EML5: variants seen among roughly 807,000 people sequenced by gnomAD.
EML5 encodes EMAP like 5.
EML5 carries 120 observed loss-of-function variants against 250.0 expected under a neutral mutation model. That is an observed-to-expected ratio of 0.48 (90% CI 0.41 to 0.56). EML5 has a LOEUF of 0.56. EML5 is among the 20% of genes least tolerant of loss of function. The pLI, the probability that EML5 is intolerant of heterozygous loss-of-function variation, is 0.00. For synonymous variants in EML5, 771 were observed against 806.5 expected, an observed-to-expected ratio of 0.96 and a Z score of 0.75; for missense variants, 2,006 against 2,437.6, an observed-to-expected ratio of 0.82 and a Z score of 3.73.
chr14:88,641,379 A>C (rs1327089243), intron 31 of EML5, among the ~76,000 whole-genome samples: 1 of 152,044 alleles, frequency 6.6e-6, no homozygotes, highest in Non-Finnish European at 1.5e-5. Flanking sequence ...TTCCCATACA[A>C]AACATCATCC....
intron 8 of EML5, among the ~76,000 whole-genome samples, chr14:88,725,773 A>T (rs1821493868): frequency 6.6e-6 from 1 of 152,218 alleles, no homozygotes. Context: ...TCCAGTTAGT[A>T]GATGACAGAA....
In EML5 at chr14:88,654,538, C is replaced by T. The variant is rs138584750; in HGVS notation, c.4004+2838G>A. 2.9e-3 allele frequency among the ~76,000 whole-genome samples: 446 copies of T among 152,276 alleles called. 3 individuals carry two copies. Among genetic ancestry groups the T allele is most frequent in the African/African-American group, 0.01 (432 of 41,570 alleles). ...ATTTCTGCCTTAATTCTGTTATTTA[C>T]CCAGTAGTAATTCAGGAGCAGGTTG... On this transcript the variant is annotated intron_variant, in intron 27 of 43. Coordinates refer to ENST00000554922, the MANE Select transcript of EML5 (RefSeq NM_183387.3).
At chr14:88,700,555 A>G (rs1485832038) in intron 14 of EML5, among the ~76,000 whole-genome samples, 1 of 152,082 alleles carries the variant, frequency 6.6e-6, no homozygotes, top group Non-Finnish European at 1.5e-5. Context: ...AGTCTCAGGG[A>G]TTCCCAAGCC....
At chr14:88,633,172 T>C (rs2140492810) in intron 33 of EML5, among the ~76,000 whole-genome samples, 1 of 152,344 alleles carries the variant, frequency 6.6e-6, no homozygotes, top group Non-Finnish European at 1.5e-5. Context: ...TAGCTGAATG[T>C]TACCACCTCT....
At chr14:88,724,424 T>C (rs575206502) in intron 8 of EML5, among the ~76,000 whole-genome samples, 2 of 150,800 alleles carry the variant, frequency 1.3e-5, no homozygotes, top group Admixed American at 1.3e-4. Context: ...GGTTCACTTT[T>C]AAAGGCATTT....
chr14:88,623,764 G>A (rs2089475809), intron 36 of EML5: 2 of 152,226 alleles, frequency 1.3e-5, no homozygotes, highest in Admixed American at 1.3e-4. Context: ...CCTATCAGGT[G>A]TTAAAATATC....
intron 1 of EML5, among the ~76,000 whole-genome samples, chr14:88,757,421 CA>C (rs1162667041): frequency 6.6e-6 from 1 of 151,562 alleles, no homozygotes; most frequent in African/African-American, 2.4e-5. Flanking sequence ...AGTGGTTTCT[CA>C]GATATAACAC....
chr14:88,647,295 C>T (rs775787058), intron 28 of EML5, among the ~76,000 whole-genome samples: 1 of 151,714 alleles, frequency 6.6e-6, no homozygotes, highest in Admixed American at 6.6e-5. Flanking sequence ...ACCCAGGAAA[C>T]GGAGGTTGCA....
At chr14:88,762,762 T>A (rs2094263690) in intron 1 of EML5, among the ~76,000 whole-genome samples, 2 of 152,096 alleles carry the variant, frequency 1.3e-5, no homozygotes, top group Non-Finnish European at 2.9e-5. Flanking sequence ...TAATTGGAAG[T>A]AAAACACTCC....
intron 15 of EML5, 102 bp from the exon 16 acceptor site, chr14:88,695,556 T>G (rs552021956): frequency 9.9e-6 from 11 of 1,107,488 alleles, no homozygotes; most frequent in Middle Eastern, 4.0e-4. Flanking sequence ...TAAAATTTGA[T>G]AAAATAATGT....
chr14:88,679,426 T>G (rs901459105), intron 21 of EML5, among the ~76,000 whole-genome samples: 2 of 152,154 alleles, frequency 1.3e-5, no homozygotes, highest in African/African-American at 4.8e-5. Flanking sequence ...GCATGGTGGC[T>G]CATGCTTGTA....
In EML5 at chr14:88,736,538, C is replaced by T. The variant is rs754576737; in HGVS notation, c.875G>A (p.Arg292Gln). 4.9e-5 allele frequency: 79 copies of T among 1,613,710 alleles called. 1 individual carries two copies. Among genetic ancestry groups the T allele is most frequent in the Non-Finnish European group, 6.3e-5 (74 of 1,179,882 alleles). Residue 292 changes from arginine to glutamine, a missense_variant, in exon 7 of 44, where the codon CGA becomes CAA. Coordinates refer to ENST00000554922, the MANE Select transcript of EML5 (RefSeq NM_183387.3). ...KGLSVRSVCW[R>Q]GDHILVGTQD... is the part of the protein sequence containing the mutation. ...TGTTCCAACTAGAATGTGGTCACCT[C>T]GCCAACACACACTCCTTACAGACAA...
At chr14:88,682,096 G>A in intron 20 of EML5, 65 bp from the exon 21 acceptor site, 1 of 1,378,762 alleles carries the variant, frequency 7.3e-7, no homozygotes, top group South Asian at 2.1e-5. Context: ...GTTTTATTTA[G>A]AATAAAGCTA....
At chr14:88,780,866 C>A (rs1259390070) in intron 1 of EML5, among the ~76,000 whole-genome samples, 1 of 152,188 alleles carries the variant, frequency 6.6e-6, no homozygotes, top group East Asian at 1.9e-4. Context: ...AGCCACTGCA[C>A]CTGGCTGAGT....
At chr14:88,768,645 C>T (rs538710864) in intron 1 of EML5, among the ~76,000 whole-genome samples, 3 of 152,286 alleles carry the variant, frequency 2.0e-5, no homozygotes, top group Admixed American at 2.0e-4. Context: ...CTCCTGACCT[C>T]AGGTGACCCA....
At chr14:88,762,823 A>C (rs1390599708) in intron 1 of EML5, among the ~76,000 whole-genome samples, 1 of 152,234 alleles carries the variant, frequency 6.6e-6, no homozygotes, top group Non-Finnish European at 1.5e-5. Context: ...CTCAGACCAC[A>C]GTGCAATCAA....
chr14:88,614,928 GAATTT>G lies in EML5; in HGVS notation c.*885_*889del, dbSNP rs1308325815. ...TTAAATTGTATAATGTTGTATATGT[GAATTT>G]AACACTTTTGTTTACATGTTAAACA... On this transcript the variant is annotated 3_prime_UTR_variant, in exon 44 of 44. Coordinates refer to ENST00000554922, the MANE Select transcript of EML5 (RefSeq NM_183387.3). 2.0e-5 allele frequency: 3 copies of G among 152,120 alleles called. No individual in the cohort carries two copies. Among genetic ancestry groups the G allele is most frequent in the African/African-American group, 7.2e-5 (3 of 41,436 alleles). The allele number at this position is 152,120 out of a possible 1,614,324, so 9.4% of individuals were successfully genotyped here.
In EML5 at chr14:88,705,526, C is replaced by T; in HGVS notation, c.1888G>A (p.Asp630Asn). ...TGTGTCTCTTGTTCAATTTCAGAAT[C>T]CAGTTCTGGAACATCAGACAGATCT... ...DSDLSDVPEL[D>N]SEIEQETQLT... Residue 630 changes from aspartate to asparagine, a missense_variant, in exon 12 of 44, where the codon GAT becomes AAT. Physicochemically the swap from Asp to Asn is conservative, Grantham distance 23 (BLOSUM62 1). Around this residue, in one of 7 missense-constraint regions of EML5, gnomAD observed 1,375 missense variants for 1,590.3 expected, o/e 0.86. Coordinates refer to ENST00000554922, the MANE Select transcript of EML5 (RefSeq NM_183387.3). The T allele has an allele frequency of 6.2e-7, 1 of 1,604,706 alleles. No homozygotes were observed. Among genetic ancestry groups the T allele is most frequent in the Non-Finnish European group, 8.5e-7 (1 of 1,175,142 alleles).
chr14:88,740,324 A>G, intron 5 of EML5, 63 bp downstream of exon 5: 4 of 1,394,352 alleles, frequency 2.9e-6, no homozygotes, highest in Non-Finnish European at 3.9e-6. Context: ...TACGCAGTCT[A>G]TCATTCTAAG....
Sources: gnomAD v4.1 joint callset for allele counts (sites outside exome capture counted in the v4.1 genomes callset) on GRCh38, gnomAD v4.1.1 for gene constraint, gnomAD v4.1.1 regional missense constraint, MANE v1.5 for transcripts, NCBI Gene and HGNC (gene_info 2026-07-23, HGNC 2026-07-21) for gene names.